The following HTT-AS variants were observed in gnomAD, a reference collection of about 807,000 sequenced individuals.
HTT-AS encodes the protein HTT antisense RNA.
intron 1 of HTT-AS, among the ~76,000 whole-genome samples, chr4:3,073,097 A>C (rs1460654351): frequency 6.6e-6 from 1 of 152,192 alleles, no homozygotes; most frequent in East Asian, 1.9e-4. Flanking sequence ...TTCTCAAGAA[A>C]AGGGAGGCTA....
chr4:3,070,427 A>G (rs181781720), intron 1 of HTT-AS, among the ~76,000 whole-genome samples: 163 of 151,840 alleles, frequency 1.1e-3, no homozygotes, highest in African/African-American at 3.8e-3. Context: ...AGTAGCTGGG[A>G]TTACAGGCAC....
chr4:3,063,098 C>A (rs974523785), exon 2 of HTT-AS, among the ~76,000 whole-genome samples: 1 of 152,122 alleles, frequency 6.6e-6, no homozygotes, highest in Non-Finnish European at 1.5e-5. Flanking sequence ...TCTAGTTACA[C>A]GATCCCTGTA....
chr4:3,065,162 A>C (rs1207679317), intron 1 of HTT-AS, among the ~76,000 whole-genome samples: 2 of 152,200 alleles, frequency 1.3e-5, no homozygotes, highest in Admixed American at 1.3e-4. Flanking sequence ...TCAGCCCAGA[A>C]GGCATCATTT....
chr4:3,046,807 A>G (rs1711592251), downstream of HTT-AS, among the ~76,000 whole-genome samples: 1 of 151,822 alleles, frequency 6.6e-6, no homozygotes, highest in African/African-American at 2.4e-5. Context: ...AGCATGAGTG[A>G]CTCCATTTTT....
intron 2 of HTT-AS, among the ~76,000 whole-genome samples, chr4:3,055,560 T>G (rs1711791090): frequency 6.6e-6 from 1 of 152,230 alleles, no homozygotes; most frequent in East Asian, 1.9e-4. Context: ...AGTGCACTGT[T>G]GTTCATTCAG....
At chr4:3,049,560 T>C (rs1264761307) in exon 3 of HTT-AS, among the ~76,000 whole-genome samples, 1 of 152,198 alleles carries the variant, frequency 6.6e-6, no homozygotes, top group Non-Finnish European at 1.5e-5. Flanking sequence ...CCAATGGGTG[T>C]ACAGTTCCAG....
chr4:3,066,921 C>A (rs1240955524), intron 1 of HTT-AS, among the ~76,000 whole-genome samples: 1 of 152,172 alleles, frequency 6.6e-6, no homozygotes, highest in Non-Finnish European at 1.5e-5. Context: ...TAGAATCTAT[C>A]TAGTGTCTAG....
downstream of HTT-AS, among the ~76,000 whole-genome samples, chr4:3,047,969 A>T (rs1438231193): frequency 6.6e-6 from 1 of 152,206 alleles, no homozygotes; most frequent in Non-Finnish European, 1.5e-5. Context: ...TCCGGTGGAC[A>T]CGTGACTTGC....
downstream of HTT-AS, among the ~76,000 whole-genome samples, chr4:3,047,034 G>A (rs912985243): frequency 6.6e-6 from 1 of 152,164 alleles, no homozygotes; most frequent in Admixed American, 6.5e-5. Context: ...ATACTAGGCC[G>A]GGCGCAGTGG....
intron 2 of HTT-AS, among the ~76,000 whole-genome samples, chr4:3,058,071 A>G (rs1187698449): frequency 6.6e-6 from 1 of 151,710 alleles, no homozygotes; most frequent in African/African-American, 2.4e-5. Context: ...TCACGCCTGT[A>G]ATCCCAGCAC....
Position 3,055,669 on chromosome 4 carries a change from C to A in HTT-AS, n.1381-5971G>T, listed in dbSNP as rs374734978. ...TGTAAGCCAGAAGGAACCCAGTTTT[C>A]CGGAAATTAAGGAACCCATTTTTAC... On this transcript the variant is annotated intron_variant and non_coding_transcript_variant, in intron 2 of 2. Coordinates refer to ENST00000664062, the Ensembl canonical transcript of HTT-AS. 2.0e-5 allele frequency among the ~76,000 whole-genome samples: 3 copies of A among 152,312 alleles called. No individual in the cohort carries two copies. In the East Asian group the frequency reaches 5.8e-4, roughly 29 times the overall value.
At chr4:3,063,455 G>A (rs2110123360) in exon 2 of HTT-AS, 1 of 152,472 alleles carries the variant, frequency 6.6e-6, no homozygotes, top group East Asian at 1.9e-4. Flanking sequence ...GCCAGCCTTG[G>A]AGCAGGGGTG....
intron 2 of HTT-AS, among the ~76,000 whole-genome samples, chr4:3,055,241 T>A (rs1253567932): frequency 6.6e-6 from 1 of 150,878 alleles, no homozygotes; most frequent in Non-Finnish European, 1.5e-5. Context: ...GAGCTTGCAG[T>A]GAGCTGTGAT....
chr4:3,049,396 C>T (rs1015527747), exon 3 of HTT-AS, among the ~76,000 whole-genome samples: 1 of 151,986 alleles, frequency 6.6e-6, no homozygotes, highest in Non-Finnish European at 1.5e-5. Context: ...CGCACTCCAG[C>T]CTGGGTGACA....
chr4:3,057,691 A>G (rs940509962), intron 2 of HTT-AS, among the ~76,000 whole-genome samples: 1 of 151,910 alleles, frequency 6.6e-6, no homozygotes, highest in Non-Finnish European at 1.5e-5. Context: ...GCTGGAGTGC[A>G]GTGGCGATCT....
At chr4:3,065,399 C>T (rs998884977) in intron 1 of HTT-AS, among the ~76,000 whole-genome samples, 1 of 151,060 alleles carries the variant, frequency 6.6e-6, no homozygotes, top group African/African-American at 2.5e-5. Flanking sequence ...CACCACCATG[C>T]CCGGCTAATT....
intron 2 of HTT-AS, among the ~76,000 whole-genome samples, chr4:3,051,030 T>TTGTGTGTGTGTGTGTGTGTG (rs59615689): frequency 8.2e-6 from 1 of 122,484 alleles, no homozygotes; most frequent in African/African-American, 3.2e-5. Context: ...CCCTTACAAT[T>TTGTGTGTGTGTGTGTGTGTG]TGTGTGTGTG....
chr4:3,052,738 T>C (rs779490235), intron 2 of HTT-AS, among the ~76,000 whole-genome samples: 3 of 151,988 alleles, frequency 2.0e-5, no homozygotes, highest in Non-Finnish European at 4.4e-5. Flanking sequence ...CCTGTAATCC[T>C]AGCACTTTGA....
rs543520859 is a variant in HTT-AS, at chr4:3,057,546, T to C, written n.1380+4888A>G. ...CAGAATAAAATGAAAGTAAGTTTAC[T>C]AAGAAAGCCAAGGAATAGAGAATGG... On this transcript the variant is annotated intron_variant and non_coding_transcript_variant, in intron 2 of 2. Coordinates refer to ENST00000664062, the Ensembl canonical transcript of HTT-AS. 1.1e-4 allele frequency among the ~76,000 whole-genome samples: 17 copies of C among 152,356 alleles called. No homozygotes were observed. The East Asian group carries it at 2.9e-3, about 26-fold the overall frequency.
Sources: allele counts gnomAD v4.1 joint callset (sites outside exome capture counted in the v4.1 genomes callset), GRCh38; gene constraint gnomAD v4.1.1; transcripts MANE v1.5; gene names NCBI Gene and HGNC (gene_info 2026-07-23, HGNC 2026-07-21).